Variants in AKAP6 observed in about 807,000 individuals in gnomAD.
The protein encoded by AKAP6 is A-kinase anchor protein 6.
In AKAP6, 58 loss-of-function variants were observed where a neutral mutation model predicts 188.5. The ratio of observed to expected loss-of-function variants is 0.31; its 90% CI spans 0.25 to 0.38. The LOEUF (loss-of-function observed/expected upper bound fraction) is 0.38. AKAP6 is among the 10% of genes least tolerant of loss of function. The pLI, the probability that AKAP6 is intolerant of heterozygous loss-of-function variation, is 1.00. For missense variants in AKAP6, 2,710 were observed against 2,740.0 expected (o/e 0.99, Z 0.24); for synonymous variants, 989 against 998.6 (o/e 0.99, Z 0.18).
chr14:32,791,936 T>G (rs2033621796), intron 12 of AKAP6, among the ~76,000 whole-genome samples: 1 of 152,160 alleles, frequency 6.6e-6, no homozygotes, highest in Non-Finnish European at 1.5e-5. Context: ...GTTTTAGATG[T>G]GTGGTGTTAT....
rs569169338 is a variant in AKAP6 at position 32,793,904 on chromosome 14, G to A, written c.3588+20011G>A. Among the ~76,000 whole-genome samples the A allele has an allele frequency of 7.2e-5, 11 of 152,116 alleles. No individual in the cohort carries two copies. In the South Asian group the frequency reaches 1.9e-3, roughly 26 times the overall value. The stretch of plus-strand genomic sequence containing the variant: ...TCAAACTCCCACACAATAATAGTGG[G>A]AAACTGTAACACCCCACTGACAGTA... On this transcript the variant is annotated intron_variant, in intron 12 of 13. Coordinates refer to ENST00000280979, the MANE Select transcript of AKAP6 (RefSeq NM_004274.5).
At chr14:32,363,568 T>C (rs1371588539) in intron 1 of AKAP6, among the ~76,000 whole-genome samples, 2 of 152,170 alleles carry the variant, frequency 1.3e-5, no homozygotes, top group Admixed American at 6.5e-5. Context: ...GCTGAAGAAC[T>C]TGGAGTCCTA....
chr14:32,718,344 T>C (rs2030342000), intron 9 of AKAP6: 6 of 984,226 alleles, frequency 6.1e-6, no homozygotes, highest in Non-Finnish European at 7.2e-6. Flanking sequence ...CTAAAATCTC[T>C]AAAATTTATT....
At chr14:32,697,394 C>G (rs1174356341) in intron 9 of AKAP6, among the ~76,000 whole-genome samples, 2 of 152,184 alleles carry the variant, frequency 1.3e-5, no homozygotes, top group Non-Finnish European at 2.9e-5. Context: ...ATTAACAACA[C>G]AGCTATCTAA....
chr14:32,675,688 T>C (rs1199133548), intron 7 of AKAP6, among the ~76,000 whole-genome samples: 1 of 152,234 alleles, frequency 6.6e-6, no homozygotes, highest in Admixed American at 6.5e-5. Flanking sequence ...CTGGGCCATC[T>C]AATTCATCTC....
At chr14:32,655,962 A>G (rs533903979) in intron 7 of AKAP6, among the ~76,000 whole-genome samples, 1 of 152,196 alleles carries the variant, frequency 6.6e-6, no homozygotes, top group Non-Finnish European at 1.5e-5. Context: ...CTCTCTTAAG[A>G]TAAATCTATC....
At chr14:32,391,243 C>T (rs1452952576) in intron 1 of AKAP6, among the ~76,000 whole-genome samples, 1 of 152,188 alleles carries the variant, frequency 6.6e-6, no homozygotes, top group Non-Finnish European at 1.5e-5. Flanking sequence ...TCTAGTGCCT[C>T]CTGATTTGGA....
intron 7 of AKAP6, among the ~76,000 whole-genome samples, chr14:32,673,025 T>C (rs992832448): frequency 7.2e-5 from 11 of 152,208 alleles, no homozygotes; most frequent in Non-Finnish European, 1.6e-4. Context: ...CTATCCACTT[T>C]AGCCTCTATA....
Position 32,695,974 on chromosome 14 carries a change from T to G in AKAP6, c.2880-16T>G. The G allele has an allele frequency of 6.2e-7, 1 of 1,610,784 alleles. No homozygotes were observed. Among genetic ancestry groups the G allele is most frequent in the Non-Finnish European group, 8.5e-7 (1 of 1,179,118 alleles). ...CACTGTATTTATGCATACTACATTT[T>G]GCGCCTTATCTTCAGGCTTCTGGAC... On this transcript the variant is annotated splice_polypyrimidine_tract_variant and intron_variant, in intron 8 of 13. Transcript: ENST00000280979.
chr14:32,828,557 ACACACACACACACACT>A (rs2034742075), intron 13 of AKAP6, among the ~76,000 whole-genome samples: 1 of 137,468 alleles, frequency 7.3e-6, no homozygotes, highest in Admixed American at 7.2e-5. Flanking sequence ...ACACACACAC[ACACACACACACACACT>A]CTCACACCCC....
chr14:32,595,419 C>T (rs1470082493), intron 5 of AKAP6, among the ~76,000 whole-genome samples: 1 of 152,164 alleles, frequency 6.6e-6, no homozygotes, highest in African/African-American at 2.4e-5. Flanking sequence ...CCACAAGCTC[C>T]CTGCTAGGCT....
chr14:32,707,465 T>C (rs996076519), intron 9 of AKAP6, among the ~76,000 whole-genome samples: 12 of 152,224 alleles, frequency 7.9e-5, no homozygotes, highest in African/African-American at 2.9e-4. Flanking sequence ...AATACTTGTT[T>C]ATTAGTTAAA....
At chr14:32,630,130 G>T (rs1887205681) in intron 7 of AKAP6, among the ~76,000 whole-genome samples, 2 of 151,998 alleles carry the variant, frequency 1.3e-5, no homozygotes, top group South Asian at 4.1e-4. Flanking sequence ...GCCTCTTCTT[G>T]TTCCCATTAA....
At chr14:32,500,903 G>T (rs1429887437) in intron 2 of AKAP6, among the ~76,000 whole-genome samples, 1 of 152,064 alleles carries the variant, frequency 6.6e-6, no homozygotes, top group Non-Finnish European at 1.5e-5. Context: ...GGGCAGGTAT[G>T]TATACAGGGA....
intron 2 of AKAP6, among the ~76,000 whole-genome samples, chr14:32,471,403 C>T (rs1467656642): frequency 6.6e-6 from 1 of 152,110 alleles, no homozygotes; most frequent in Non-Finnish European, 1.5e-5. Context: ...CGTTTATGGA[C>T]GGTGGTAGTA....
In AKAP6 at chr14:32,832,579, C is replaced by G. The variant is rs1361061737; in HGVS notation, c.*2774C>G. On this transcript the variant is annotated 3_prime_UTR_variant, in exon 14 of 14. Coordinates refer to ENST00000280979, the MANE Select transcript of AKAP6 (RefSeq NM_004274.5). ...CTCAATCTCCCACCCCATGTAGGCA[C>G]TACCTCCCCAATTACCCTTAGAAAA... 1 of 152,186 alleles carries G rather than the reference C, an allele frequency of 6.6e-6. No homozygotes were observed. The highest frequency in any genetic ancestry group is 1.5e-5 in the Non-Finnish European group (1 of 68,034). The allele number at this position is 152,186 out of a possible 1,614,324, so 9.4% of individuals were successfully genotyped here. A position where few individuals can be genotyped will look rare whatever the true frequency, so the allele number is the denominator to read the frequency against.
At chr14:32,776,911 G>A (rs1158115851) in intron 12 of AKAP6, among the ~76,000 whole-genome samples, 2 of 152,122 alleles carry the variant, frequency 1.3e-5, no homozygotes, top group Non-Finnish European at 2.9e-5. Context: ...TACACAGACA[G>A]GGCGCACCGG....
intron 12 of AKAP6, among the ~76,000 whole-genome samples, chr14:32,781,022 A>T (rs2033233784): frequency 6.6e-6 from 1 of 152,162 alleles, no homozygotes; most frequent in Non-Finnish European, 1.5e-5. Flanking sequence ...ACCTTATGAA[A>T]CTAGAAAAAG....
chr14:32,632,022 T>G (rs879321304), intron 7 of AKAP6, among the ~76,000 whole-genome samples: 8 of 152,048 alleles, frequency 5.3e-5, no homozygotes, highest in Non-Finnish European at 8.8e-5. Context: ...CAGCAGTATA[T>G]TCATTCTTTT....
Sources: allele counts gnomAD v4.1 joint callset (sites outside exome capture counted in the v4.1 genomes callset), GRCh38; gene constraint gnomAD v4.1.1; transcripts MANE v1.5; gene names NCBI Gene and HGNC (gene_info 2026-07-23, HGNC 2026-07-21).